Variants in MRRF observed in about 807,000 individuals in gnomAD.
MRRF encodes ribosome-recycling factor, mitochondrial.
In MRRF, 18 loss-of-function variants were observed where a neutral mutation model predicts 25.1. The observed-to-expected ratio is 0.72, with a 90% CI of 0.50 to 1.06. MRRF has a LOEUF of 1.06. MRRF is among the 50% of genes least tolerant of loss of function. The pLI is 0.00. For synonymous variants in MRRF, 113 were observed against 112.1 expected (o/e 1.01, Z -0.05); for missense variants, 323 against 319.3 (o/e 1.01, Z -0.09).
chr9:122,278,830 A>T (rs1231561512), intron 2 of MRRF, among the ~76,000 whole-genome samples: 1 of 151,582 alleles, frequency 6.6e-6, no homozygotes, highest in African/African-American at 2.4e-5. Context: ...TCTAGGTGTG[A>T]ATTTACTTTT....
chr9:122,266,958 T>A (rs1003741978), intron 1 of MRRF, among the ~76,000 whole-genome samples: 55 of 151,152 alleles, frequency 3.6e-4, no homozygotes, highest in Non-Finnish European at 8.8e-5. Context: ...TAATCCCAGC[T>A]ATTTGGGAGG....
In MRRF at chr9:122,328,714, T is replaced by C. The variant is rs1012505867; in HGVS notation, c.*6097T>C. 6.6e-6 allele frequency: 1 copy of C among 152,208 alleles called. No individual in the cohort carries two copies. Among genetic ancestry groups the C allele is most frequent in the Non-Finnish European group, 1.5e-5 (1 of 68,036 alleles). The allele number at this position is 152,208 out of a possible 1,614,324, so 9.4% of individuals were successfully genotyped here. On this transcript the variant is annotated 3_prime_UTR_variant, in exon 7 of 7. Coordinates refer to ENST00000344641, the MANE Select transcript of MRRF (RefSeq NM_138777.5). ...TATTTTCAGTATTAACATAAGTGAT[T>C]TGGTGTTTTAGCCCTAAGCAGATAA...
In MRRF at chr9:122,328,287, G is replaced by A. The variant is rs1382512251; in HGVS notation, c.*5670G>A. 1.3e-5 allele frequency: 2 copies of A among 152,130 alleles called. No homozygotes were observed. The highest frequency in any genetic ancestry group is 3.8e-4 in the East Asian group (2 of 5,198). 9.4% of individuals were successfully genotyped at this position (152,130 alleles called of 1,614,324 possible). On this transcript the variant is annotated 3_prime_UTR_variant, in exon 7 of 7. Transcript: ENST00000344641. ...CTGTGCCCAGCCTTAACCATTTTAA[G>A]TGTACAGTTCAGTAGCATTTAGTAC...
chr9:122,292,505 A>G (rs906240412), intron 5 of MRRF, among the ~76,000 whole-genome samples: 3 of 152,216 alleles, frequency 2.0e-5, no homozygotes, highest in African/African-American at 2.4e-5. Flanking sequence ...ATTTAAAAAA[A>G]GAAGAGAAAA....
Position 122,280,551 on chromosome 9 carries a change from C to T in MRRF, c.293C>T (p.Ala98Val), listed in dbSNP as rs1234173593. The T allele has an allele frequency of 6.2e-7, 1 of 1,613,844 alleles. No individual in the cohort carries two copies. Among genetic ancestry groups the T allele is most frequent in the Non-Finnish European group, 8.5e-7 (1 of 1,179,758 alleles). Residue 98 changes from alanine (A) to valine (V), a missense_variant, in exon 3 of 7, where the codon GCT becomes GTT. Transcript: ENST00000344641. ...GAAGAAATGAAGTCTGTGATAGAAG[C>T]TCTCAAGGATAATTTCAATAAGACT... ...VNEEMKSVIE[A>V]LKDNFNKTLN... is the part of the protein sequence containing the mutation.
rs1836163068 is a variant in MRRF, at chr9:122,327,047, G to C, written c.*4430G>C. ...CCTGGACGGTGATGTGAGAGAAGCA[G>C]AAGTCTTGCTTTCATAAAACACATA... On this transcript the variant is annotated 3_prime_UTR_variant, in exon 7 of 7. Coordinates refer to ENST00000344641, the MANE Select transcript of MRRF (RefSeq NM_138777.5). 1 of 152,200 alleles carries C rather than the reference G, an allele frequency of 6.6e-6. No homozygotes were observed. The highest frequency in any genetic ancestry group is 1.5e-5 in the Non-Finnish European group (1 of 68,030). 9.4% of individuals were successfully genotyped at this position (152,200 alleles called of 1,614,324 possible).
Position 122,316,013 on chromosome 9 carries a change from G to A in MRRF, c.711+2627G>A, listed in dbSNP as rs574536308. Reference sequence around the variant, plus strand: ...TTTTTAAGTGAAAATAGCTGTATTCGTTTTGCTGTTAAAACAAGGAAGAAA... The same window carrying A: ...TTTTTAAGTGAAAATAGCTGTATTCATTTTGCTGTTAAAACAAGGAAGAAA... On this transcript the variant is annotated intron_variant, in intron 6 of 6. Coordinates refer to ENST00000344641, the MANE Select transcript of MRRF (RefSeq NM_138777.5). Among the ~76,000 whole-genome samples the A allele has an allele frequency of 1.8e-4, 28 of 151,998 alleles. No individual in the cohort carries two copies. In the East Asian group the frequency reaches 2.1e-3, roughly 12 times the overall value.
chr9:122,307,340 C>T (rs1406386584), intron 5 of MRRF, among the ~76,000 whole-genome samples: 1 of 152,194 alleles, frequency 6.6e-6, no homozygotes, highest in African/African-American at 2.4e-5. Context: ...CTCCCTTAGC[C>T]TGCTCCCCAC....
chr9:122,313,137 T>A, intron 5 of MRRF, 90 bp from the exon 6 acceptor site: 5 of 1,337,366 alleles, frequency 3.7e-6, no homozygotes, highest in Non-Finnish European at 5.3e-6. Flanking sequence ...AGTTACAAAC[T>A]GCTGAACTGG....
intron 4 of MRRF, chr9:122,285,907 C>A: frequency 7.7e-7 from 1 of 1,296,326 alleles, no homozygotes; most frequent in South Asian, 1.2e-5. Flanking sequence ...CTGACCATTG[C>A]AGAATATTGC....
At chr9:122,265,591 C>A (rs986329447) in intron 1 of MRRF, 1 of 389,590 alleles carries the variant, frequency 2.6e-6, no homozygotes, top group Non-Finnish European at 4.9e-6. Flanking sequence ...TGCATTTCCC[C>A]CCATTTTGGA....
rs1477379873 is a variant in MRRF at position 122,324,908 on chromosome 9, A to T, written c.*2291A>T. The T allele has an allele frequency of 1.3e-5, 2 of 152,234 alleles. No individual in the cohort carries two copies. Among genetic ancestry groups the T allele is most frequent in the African/African-American group, 4.8e-5 (2 of 41,452 alleles). The allele number at this position is 152,234 out of a possible 1,614,324, so 9.4% of individuals were successfully genotyped here. ...ACCAGCCCTAAGTGGTCATCACATG[A>T]TCAGAAGTCAGCTGGGGGAAGAGCA... On this transcript the variant is annotated 3_prime_UTR_variant, in exon 7 of 7. Transcript: ENST00000344641.
chr9:122,326,106 ATTTTTTTT>A lies in MRRF; in HGVS notation c.*3501_*3508del, dbSNP rs71508158. On this transcript the variant is annotated 3_prime_UTR_variant, in exon 7 of 7. Transcript: ENST00000344641. ...GAGCCACTCTGCCTGGCCATATATAATTTTTTTTTTTTTTTTTTTGCAATGGAGTCTTG... is the reference window on the plus strand; with the variant it reads ...GAGCCACTCTGCCTGGCCATATATAATTTTTTTTTTTGCAATGGAGTCTTG... The A allele has an allele frequency of 7.7e-5, 9 of 116,958 alleles. No individual in the cohort carries two copies. In the South Asian group the frequency reaches 2.5e-3, roughly 33 times the overall value. The allele number at this position is 116,958 out of a possible 1,614,324, so 7.2% of individuals were successfully genotyped here.
rs1836036751 is a variant in MRRF at position 122,324,084 on chromosome 9, C to T, written c.*1467C>T. On this transcript the variant is annotated 3_prime_UTR_variant, in exon 7 of 7. Transcript: ENST00000344641. ...CTCCAGCAGACACCAACTGGGTATC[C>T]TATAATTCAATTCATTTCTGACATT... The T allele has an allele frequency of 2.0e-5, 3 of 152,284 alleles. No individual in the cohort carries two copies. The allele number at this position is 152,284 out of a possible 1,614,324, so 9.4% of individuals were successfully genotyped here.
intron 1 of MRRF, among the ~76,000 whole-genome samples, chr9:122,267,435 T>G (rs1201930148): frequency 6.6e-6 from 1 of 152,112 alleles, no homozygotes; most frequent in Admixed American, 6.5e-5. Context: ...TAGCTACAAT[T>G]TATTGTGTAC....
At chr9:122,272,039 G>T (rs1007961491) in intron 2 of MRRF, among the ~76,000 whole-genome samples, 2 of 152,074 alleles carry the variant, frequency 1.3e-5, no homozygotes, top group African/African-American at 2.4e-5. Context: ...AATAACCTTT[G>T]ATCTGTATGT....
In MRRF at chr9:122,328,583, G is replaced by A. The variant is rs780456262; in HGVS notation, c.*5966G>A. The stretch of plus-strand genomic sequence containing the variant: ...CCTTTCTAAGGCTGAGTAATCTGTT[G>A]TATATATGAATAAGTATATATAAAG... On this transcript the variant is annotated 3_prime_UTR_variant, in exon 7 of 7. Coordinates refer to ENST00000344641, the MANE Select transcript of MRRF (RefSeq NM_138777.5). 1.8e-4 allele frequency: 27 copies of A among 152,092 alleles called. No individual in the cohort carries two copies. The highest frequency in any genetic ancestry group is 3.5e-4 in the Non-Finnish European group (24 of 68,026). The allele number at this position is 152,092 out of a possible 1,614,324, so 9.4% of individuals were successfully genotyped here. A position where few individuals can be genotyped will look rare whatever the true frequency, so the allele number is the denominator to read the frequency against.
chr9:122,267,657 A>G (rs1832199816), intron 1 of MRRF, among the ~76,000 whole-genome samples: 3 of 152,352 alleles, frequency 2.0e-5, no homozygotes. Context: ...TAGACTCTAG[A>G]GCTAGATTGA....
chr9:122,307,083 C>T (rs1834895906), intron 5 of MRRF, among the ~76,000 whole-genome samples: 2 of 152,064 alleles, frequency 1.3e-5, no homozygotes, highest in South Asian at 4.1e-4. Context: ...GGGTGGTGTC[C>T]CTAGAAGCAT....
Sources: gnomAD v4.1 joint callset for allele counts (sites outside exome capture counted in the v4.1 genomes callset) on GRCh38, gnomAD v4.1.1 for gene constraint, MANE v1.5 for transcripts, NCBI Gene and HGNC (gene_info 2026-07-23, HGNC 2026-07-21) for gene names.